Variants in PLXNA4 observed in about 807,000 individuals in gnomAD.
The protein encoded by PLXNA4 is plexin A4.
PLXNA4 carries 44 observed loss-of-function variants against 191.8 expected under a neutral mutation model. The observed-to-expected ratio is 0.23, with a 90% confidence interval of 0.18 to 0.29. PLXNA4 has a LOEUF of 0.29. Ranked by LOEUF, PLXNA4 falls within the 10% of genes least tolerant of loss-of-function variation. The pLI is 1.00. For missense variants in PLXNA4, 1,800 were observed against 2,488.8 expected, an observed-to-expected ratio of 0.72 and a Z score of 5.89; for synonymous variants, 1,082 against 1,009.5, an observed-to-expected ratio of 1.07 and a Z score of -1.36.
intron 3 of PLXNA4, among the ~76,000 whole-genome samples, chr7:132,450,565 T>A (rs1310615371): frequency 6.6e-6 from 1 of 152,140 alleles, no homozygotes; most frequent in Non-Finnish European, 1.5e-5. Context: ...CCTCTCCAAC[T>A]CCTTGGTCAC....
chr7:132,413,276 G>A (rs1794533368), intron 3 of PLXNA4, among the ~76,000 whole-genome samples: 1 of 152,098 alleles, frequency 6.6e-6, no homozygotes, highest in South Asian at 2.1e-4. Context: ...TCCTCGATGG[G>A]GTCTTTCCTT....
At chr7:132,435,304 A>AG (rs1363952557) in intron 3 of PLXNA4, among the ~76,000 whole-genome samples, 4 of 152,010 alleles carry the variant, frequency 2.6e-5, no homozygotes, top group African/African-American at 7.2e-5. Flanking sequence ...CAAGGTGGGG[A>AG]GGGGGGAGAG....
At chr7:132,200,132 C>T (rs943962683) in intron 12 of PLXNA4, among the ~76,000 whole-genome samples, 7 of 152,206 alleles carry the variant, frequency 4.6e-5, no homozygotes, top group African/African-American at 1.4e-4. Context: ...CCCACTCCTT[C>T]GTTTCCCAGG....
At chr7:132,613,124 C>T (rs576755354) in intron 2 of PLXNA4, among the ~76,000 whole-genome samples, 4 of 152,288 alleles carry the variant, frequency 2.6e-5, no homozygotes, top group Admixed American at 1.3e-4. Flanking sequence ...ATTCCTCTCA[C>T]GCACACAAAG....
At chr7:132,171,210 T>G (rs1428165005) in intron 21 of PLXNA4, among the ~76,000 whole-genome samples, 1 of 152,254 alleles carries the variant, frequency 6.6e-6, no homozygotes, top group Non-Finnish European at 1.5e-5. Flanking sequence ...ATCCACCATG[T>G]GCAATGCACA....
At chr7:132,442,434 A>G (rs925239029) in intron 3 of PLXNA4, among the ~76,000 whole-genome samples, 7 of 152,234 alleles carry the variant, frequency 4.6e-5, no homozygotes, top group Non-Finnish European at 1.0e-4. Context: ...AAGTTTTAAC[A>G]GATGTCCTTT....
intron 3 of PLXNA4, among the ~76,000 whole-genome samples, chr7:132,365,328 CGTGTGTGTGT>C (rs3057957): frequency 7.0e-6 from 1 of 142,994 alleles, no homozygotes; most frequent in Non-Finnish European, 1.5e-5. Flanking sequence ...CTACGGCCCG[CGTGTGTGTGT>C]GTGTGTGTGT....
chr7:132,198,386 A>G (rs1255628780), intron 13 of PLXNA4, 99 bp downstream of exon 13: 2 of 1,481,718 alleles, frequency 1.3e-6, no homozygotes, highest in African/African-American at 2.8e-5. Context: ...TTTCCCCCAC[A>G]ACAAGCTCTG....
chr7:132,472,860 A>C (rs1367071508), intron 3 of PLXNA4, among the ~76,000 whole-genome samples: 1 of 152,174 alleles, frequency 6.6e-6, no homozygotes, highest in African/African-American at 2.4e-5. Flanking sequence ...CTGGGGCATT[A>C]CTAGCCTGCT....
intron 17 of PLXNA4, 132 bp downstream of exon 17, chr7:132,181,965 C>T (rs544522184): frequency 2.8e-4 from 407 of 1,433,530 alleles, no homozygotes; most frequent in Non-Finnish European, 1.8e-4. Flanking sequence ...TCCTAGTATT[C>T]AAGGGTGTCA....
rs1794747684 is a variant in PLXNA4, at chr7:132,125,619, T to A, written c.*4860A>T. On this transcript the variant is annotated 3_prime_UTR_variant, in exon 32 of 32. Transcript: ENST00000321063. ...TGGCCCACAGTTTTGTTTTGTTTTG[T>A]TTTTTTTAAAGGAAGAGGCTGAGGG... 1 of 151,650 alleles carries A rather than the reference T, an allele frequency of 6.6e-6. No individual in the cohort carries two copies. 9.4% of individuals were successfully genotyped at this position (151,650 alleles called of 1,614,324 possible).
chr7:132,326,060 T>C (rs1406823270), intron 3 of PLXNA4, among the ~76,000 whole-genome samples: 1 of 152,096 alleles, frequency 6.6e-6, no homozygotes, highest in Non-Finnish European at 1.5e-5. Context: ...GAAATGCATG[T>C]TTGAGTGGTT....
chr7:132,206,866 C>G (rs1797642181), intron 10 of PLXNA4, among the ~76,000 whole-genome samples: 1 of 152,122 alleles, frequency 6.6e-6, no homozygotes, highest in Non-Finnish European at 1.5e-5. Context: ...TTAATCTGCA[C>G]AAAGCTCAGA....
At chr7:132,487,916 T>C (rs1797625870) in intron 3 of PLXNA4, among the ~76,000 whole-genome samples, 1 of 152,204 alleles carries the variant, frequency 6.6e-6, no homozygotes, top group Non-Finnish European at 1.5e-5. Context: ...AGGTATGAAA[T>C]ACAATTCTTT....
At chr7:132,442,148 C>T (rs768815705) in intron 3 of PLXNA4, among the ~76,000 whole-genome samples, 1 of 152,010 alleles carries the variant, frequency 6.6e-6, no homozygotes, top group Non-Finnish European at 1.5e-5. Context: ...ACTCCAGAGA[C>T]AAAAAGAGAA....
chr7:132,393,291 C>G (rs529409061), intron 3 of PLXNA4, among the ~76,000 whole-genome samples: 29 of 147,916 alleles, frequency 2.0e-4, no homozygotes, highest in Middle Eastern at 3.4e-3. Context: ...AAATCCCACT[C>G]CCCTGCCAGA....
intron 3 of PLXNA4, chr7:132,383,471 C>T (rs1804982804): frequency 3.9e-6 from 3 of 765,190 alleles, no homozygotes; most frequent in African/African-American, 1.9e-5. Flanking sequence ...TCCCATTTTC[C>T]AAGCACAACT....
intron 4 of PLXNA4, among the ~76,000 whole-genome samples, chr7:132,281,485 T>C (rs1371923282): frequency 6.6e-6 from 1 of 152,216 alleles, no homozygotes; most frequent in Admixed American, 6.5e-5. Context: ...TTTAAGCAGG[T>C]AGAAGATTCT....
At position 132,205,077 on chromosome 7, in the gene PLXNA4, C is replaced by T. The variant is rs144765517; in HGVS notation, c.2299-1658G>A. On this transcript the variant is annotated intron_variant, in intron 10 of 31. Transcript: ENST00000321063. ...TGGCACCCGGGCCAAGGCCAGGGTC[C>T]GAGCTCACAGAGTAAAGCAAAGTTT... Among the ~76,000 whole-genome samples the T allele has an allele frequency of 6.8e-3, 1,029 of 152,286 alleles. 9 individuals carry two copies. Among genetic ancestry groups the T allele is most frequent in the African/African-American group, 0.023 (972 of 41,554 alleles).
Sources: gnomAD v4.1 joint callset for allele counts (sites outside exome capture counted in the v4.1 genomes callset) on GRCh38, gnomAD v4.1.1 for gene constraint, MANE v1.5 for transcripts, NCBI Gene and HGNC (gene_info 2026-07-23, HGNC 2026-07-21) for gene names.